Variants in AP3B1 observed in about 807,000 individuals in gnomAD.
AP3B1 encodes AP-3 complex subunit beta-1.
Under a neutral mutation model 132.5 loss-of-function variants are expected in AP3B1, and 61 were observed. The observed-to-expected ratio is 0.46, with a 90% CI of 0.37 to 0.57. The LOEUF is 0.57. Among genes scored for constraint, AP3B1 ranks in the 20% least tolerant of loss-of-function variants. The pLI is 0.00. For missense variants in AP3B1, 1,120 were observed against 1,289.4 expected (o/e 0.87, Z 2.01); for synonymous variants, 388 against 438.3 (o/e 0.89, Z 1.43).
chr5:78,018,864 T>G (rs2112061749), intron 25 of AP3B1, among the ~76,000 whole-genome samples: 1 of 152,228 alleles, frequency 6.6e-6, no homozygotes, highest in East Asian at 1.9e-4. Flanking sequence ...CAAATACATG[T>G]GTAAAGTTGA....
intron 24 of AP3B1, among the ~76,000 whole-genome samples, chr5:78,025,189 C>T (rs551384547): frequency 1.3e-5 from 2 of 152,262 alleles, no homozygotes; most frequent in Admixed American, 6.5e-5. Context: ...ATTTACAACA[C>T]TTTTGAATTA....
In AP3B1 at chr5:78,227,526, T is replaced by C. The variant is rs758062316; in HGVS notation, c.382A>G (p.Asn128Asp). The C allele has an allele frequency of 1.7e-5, 27 of 1,613,672 alleles. No individual in the cohort carries two copies. Among genetic ancestry groups the C allele is most frequent in the Non-Finnish European group, 2.3e-5 (27 of 1,179,710 alleles). ...AAAGCGCTTGCACGAATTAGTTGGT[T>C]TGGGTCCTAAAAATAGTGCAAAAAT... ...STFQRALKDP[N>D]QLIRASALRV... Residue 128 changes from asparagine (N) to aspartate (D), a missense_variant, in exon 5 of 27, where the codon AAC becomes GAC. This residue lies in a region of AP3B1 where 129 missense variants were observed against 212.4 expected (regional missense o/e 0.61). Coordinates refer to ENST00000255194, the MANE Select transcript of AP3B1 (RefSeq NM_003664.5).
At chr5:78,117,727 T>C (rs1299102969) in intron 17 of AP3B1, among the ~76,000 whole-genome samples, 1 of 152,206 alleles carries the variant, frequency 6.6e-6, no homozygotes, top group Non-Finnish European at 1.5e-5. Context: ...GACTTTAGTG[T>C]TTACTAAATA....
At chr5:78,148,996 G>A (rs1179703256) in intron 14 of AP3B1, among the ~76,000 whole-genome samples, 10 of 151,928 alleles carry the variant, frequency 6.6e-5, no homozygotes, top group Non-Finnish European at 1.5e-4. Context: ...GCGGCTTTGA[G>A]AAAAAAAGCT....
At chr5:78,268,514 CAA>C (rs34576506) in intron 1 of AP3B1, among the ~76,000 whole-genome samples, 10 of 152,090 alleles carry the variant, frequency 6.6e-5, no homozygotes, top group Non-Finnish European at 1.2e-4. Flanking sequence ...TTCTGTTCCC[CAA>C]AGTGTCCCAT....
Position 78,156,251 on chromosome 5 carries a change from TACTC to T in AP3B1, c.1473+3_1473+6del, listed in dbSNP as rs1743143919. ...AATTCAGCAAACATCTCTTAATTGA[TACTC>T]ACAGTGATACTGTCCAGGAGTTTGG... On this transcript the variant is annotated splice_donor_5th_base_variant and intron_variant, in intron 14 of 26. Transcript: ENST00000255194. The T allele has an allele frequency of 6.3e-7, 1 of 1,581,618 alleles. No homozygotes were observed. The highest frequency in any genetic ancestry group is 8.7e-7 in the Non-Finnish European group (1 of 1,150,670).
At chr5:78,294,312 C>G in intron 1 of AP3B1, 140 bp downstream of exon 1, 4 of 1,247,360 alleles carry the variant, frequency 3.2e-6, no homozygotes, top group Non-Finnish European at 4.5e-6. Context: ...CACCTACCCA[C>G]CCGCGGGACA....
chr5:78,011,309 G>A (rs1243636521), intron 26 of AP3B1, among the ~76,000 whole-genome samples: 2 of 152,092 alleles, frequency 1.3e-5, no homozygotes, highest in African/African-American at 4.8e-5. Flanking sequence ...GCCTCCCAAA[G>A]TGCTGGGATT....
At position 78,129,314 on chromosome 5, in the gene AP3B1, G is replaced by A. The variant is rs1752595795; in HGVS notation, c.1651-7C>T. The A allele has an allele frequency of 1.3e-6, 2 of 1,596,438 alleles. No homozygotes were observed. Among genetic ancestry groups the A allele is most frequent in the Non-Finnish European group, 1.7e-6 (2 of 1,164,376 alleles). On this transcript the variant is annotated splice_polypyrimidine_tract_variant and splice_region_variant and intron_variant, in intron 15 of 26. Transcript: ENST00000255194. ...ACTGGGTAAGCAATTTTGTCTGTTG[G>A]AAAAAAACAGATCAAGATGAGAATA...
chr5:78,141,297 A>G lies in AP3B1; in HGVS notation c.1496T>C (p.Ile499Thr). Reference protein sequence around the residue: ...SITVPVARASILWLIGENCER... With the variant: ...SITVPVARASTLWLIGENCER... ...ACAGTTTTCTCCAATTAGCCAAAGA[A>G]TACTTGCTCTAGCAACAGGAACCTA... The change falls in exon 15 of 27, where the codon ATT (isoleucine) becomes ACT (threonine). Residue 499 changes from isoleucine to threonine, a missense_variant. This residue lies in a region of AP3B1 where 906 missense variants were observed against 997.1 expected (regional missense o/e 0.91). Coordinates refer to ENST00000255194, the MANE Select transcript of AP3B1 (RefSeq NM_003664.5). 3 of 1,613,614 alleles carry G rather than the reference A, an allele frequency of 1.9e-6. No homozygotes were observed. Among genetic ancestry groups the G allele is most frequent in the Non-Finnish European group, 2.5e-6 (3 of 1,179,694 alleles).
At chr5:78,019,900 A>G (rs534008228) in intron 25 of AP3B1, among the ~76,000 whole-genome samples, 1 of 152,256 alleles carries the variant, frequency 6.6e-6, no homozygotes, top group East Asian at 1.9e-4. Flanking sequence ...CACCCTCCAC[A>G]GGAAAAAATG....
At chr5:78,179,691 G>A (rs1248907396) in intron 8 of AP3B1, among the ~76,000 whole-genome samples, 2 of 152,140 alleles carry the variant, frequency 1.3e-5, no homozygotes, top group African/African-American at 4.8e-5. Context: ...TCCGCTTTCA[G>A]TATCTATCTC....
intron 6 of AP3B1, among the ~76,000 whole-genome samples, chr5:78,224,141 T>C (rs556570905): frequency 8.5e-5 from 13 of 152,294 alleles, no homozygotes; most frequent in African/African-American, 2.6e-4. Context: ...GCAGATAGCA[T>C]GCCTGTCATA....
chr5:78,097,032 C>T (rs1212638586), intron 21 of AP3B1, among the ~76,000 whole-genome samples: 1 of 126,452 alleles, frequency 7.9e-6, no homozygotes, highest in African/African-American at 3.6e-5. Flanking sequence ...GCCCCCCGCC[C>T]GGCCAGCCGC....
At chr5:78,134,705 T>A (rs1430534317) in intron 15 of AP3B1, among the ~76,000 whole-genome samples, 1 of 152,122 alleles carries the variant, frequency 6.6e-6, no homozygotes, top group East Asian at 1.9e-4. Context: ...CACACCCGGC[T>A]AATTTTTTTG....
chr5:78,175,732 G>A, intron 10 of AP3B1, 35 bp from the exon 11 acceptor site: 1 of 1,584,912 alleles, frequency 6.3e-7, no homozygotes, highest in Non-Finnish European at 8.7e-7. Context: ...AATACATTAT[G>A]GTACTAATGT....
In AP3B1 at chr5:78,113,684, A is replaced by C; in HGVS notation, c.2249+68T>G. 1.9e-6 allele frequency: 3 copies of C among 1,567,548 alleles called. No individual in the cohort carries two copies. The South Asian group carries it at 3.3e-5, about 17-fold the overall frequency. On this transcript the variant is annotated intron_variant, in intron 19 of 26. Transcript: ENST00000255194. Reference sequence around the variant, plus strand: ...CTCTCACCATTTTTTGATTAATAAGAAACATCTCTGCCTGGGGCAAACTTT... The same window carrying C: ...CTCTCACCATTTTTTGATTAATAAGCAACATCTCTGCCTGGGGCAAACTTT...
At position 78,212,419 on chromosome 5, in the gene AP3B1, A is replaced by AG. The variant is rs1312636720; in HGVS notation, c.786+3635dup. Among the ~76,000 whole-genome samples, 14 of 152,360 alleles carry AG rather than the reference A, an allele frequency of 9.2e-5. No homozygotes were observed. In the East Asian group the frequency reaches 2.5e-3, roughly 27 times the overall value. Reference sequence around the variant, plus strand: ...TGGATTTAAATGAATTCGGTATTACAGGCAGGTTTTTTTAATTATAAATTT... The same window carrying AG: ...TGGATTTAAATGAATTCGGTATTACAGGGCAGGTTTTTTTAATTATAAATTT... On this transcript the variant is annotated intron_variant, in intron 7 of 26. Coordinates refer to ENST00000255194, the MANE Select transcript of AP3B1 (RefSeq NM_003664.5).
In AP3B1 at chr5:78,267,439, G is replaced by A. The variant is rs10065892; in HGVS notation, c.204+81C>T. 0.3 allele frequency: 166,383 copies of A among 554,380 alleles called. 26,394 individuals are homozygous for A. Among genetic ancestry groups the A allele is most frequent in the Middle Eastern group, 0.38 (738 of 1,922 alleles). The allele number at this position is 554,380 out of a possible 1,614,324, so 34.3% of individuals were successfully genotyped here. On this transcript the variant is annotated intron_variant, in intron 2 of 26. Coordinates refer to ENST00000255194, the MANE Select transcript of AP3B1 (RefSeq NM_003664.5). ...CAGAATATTAGACTTGGTATTTAAC[G>A]TATTTTTATATATATATATAATAAT...
Sources: allele counts gnomAD v4.1 joint callset (sites outside exome capture counted in the v4.1 genomes callset), GRCh38; gene constraint gnomAD v4.1.1; regional missense constraint gnomAD v4.1.1; transcripts MANE v1.5; gene names NCBI Gene and HGNC (gene_info 2026-07-23, HGNC 2026-07-21).